Variants in TKFC observed in about 807,000 individuals in gnomAD.
TKFC encodes the protein triokinase and FMN cyclase, also known as triokinase/FMN cyclase.
Under a neutral mutation model 61.0 loss-of-function variants are expected in TKFC, and 46 were observed. The ratio of observed to expected loss-of-function variants is 0.75; its 90% CI spans 0.60 to 0.96. TKFC has a LOEUF of 0.96. Ranked by LOEUF, TKFC falls within the 50% of genes least tolerant of loss-of-function variation. TKFC has a pLI of 0.00. For missense variants in TKFC, 715 were observed against 777.5 expected, an observed-to-expected ratio of 0.92 and a Z score of 0.96; for synonymous variants, 314 against 330.1, an observed-to-expected ratio of 0.95 and a Z score of 0.53.
intron 2 of TKFC, among the ~76,000 whole-genome samples, chr11:61,337,575 G>A (rs1856663414): frequency 6.6e-6 from 1 of 152,208 alleles, no homozygotes; most frequent in Non-Finnish European, 1.5e-5. Flanking sequence ...CCCCAGCATA[G>A]GAGCCTCAGC....
chr11:61,353,274 C>T (rs1857503147), downstream of TKFC: 1 of 1,138,822 alleles, frequency 8.8e-7, no homozygotes, highest in Non-Finnish European at 1.2e-6. Context: ...TGGCATTGCC[C>T]ACTACCGTGC....
At position 61,344,240 on chromosome 11, in the gene TKFC, G is replaced by T; in HGVS notation, c.1207G>T (p.Asp403Tyr). Reference protein sequence around the residue: ...NALDRAAGDGDCGTTHSRAAR... With the variant: ...NALDRAAGDGYCGTTHSRAAR... Reference sequence around the variant, plus strand: ...CCTGGACCGGGCTGCTGGTGACGGCGACTGTGGCACCACCCACAGCCGTGC... The same window carrying T: ...CCTGGACCGGGCTGCTGGTGACGGCTACTGTGGCACCACCCACAGCCGTGC... Residue 403 changes from aspartate (D) to tyrosine (Y), a missense_variant, in exon 13 of 18, where the codon GAC becomes TAC. By Grantham distance (160) the Asp-to-Tyr change is radical. Transcript: ENST00000394900. 1 of 1,612,844 alleles carries T rather than the reference G, an allele frequency of 6.2e-7. No individual in the cohort carries two copies. The highest frequency in any genetic ancestry group is 1.1e-5 in the South Asian group (1 of 91,030).
chr11:61,349,334 G>A, downstream of TKFC: 1 of 542,064 alleles, frequency 1.8e-6, no homozygotes, highest in Non-Finnish European at 3.4e-6. Context: ...TGGCTCCCAG[G>A]GCTGCTGCAC....
At chr11:61,345,164 C>A in intron 13 of TKFC, 96 bp from the exon 14 acceptor site, 1 of 1,032,118 alleles carries the variant, frequency 9.7e-7, no homozygotes, top group Non-Finnish European at 1.4e-6. Context: ...ATTCCACTTC[C>A]CTGTCGGCCT....
At chr11:61,338,213 A>C (rs953416184) in intron 3 of TKFC, 83 bp downstream of exon 3, 2 of 1,337,720 alleles carry the variant, frequency 1.5e-6, no homozygotes, top group Non-Finnish European at 2.0e-6. Context: ...CATGAAGTGC[A>C]GGATGGAGCT....
In TKFC at chr11:61,344,205, A is replaced by G. The variant is rs1320587461; in HGVS notation, c.1172A>G (p.His391Arg). 6.2e-7 allele frequency: 1 copy of G among 1,612,582 alleles called. No homozygotes were observed. The highest frequency in any genetic ancestry group is 8.5e-7 in the Non-Finnish European group (1 of 1,180,014). The change falls in exon 13 of 18, where the codon CAC becomes CGC. Residue 391 changes from histidine (H) to arginine (R), a missense_variant. Coordinates refer to ENST00000394900, the MANE Select transcript of TKFC (RefSeq NM_015533.4). ...VCSTLLGLEEHLNALDRAAGD... is the reference protein window; with the variant it reads ...VCSTLLGLEERLNALDRAAGD... Reference sequence around the variant, plus strand: ...AGCACTCTCCTGGGCCTGGAGGAACACCTGAATGCCCTGGACCGGGCTGCT... The same window carrying G: ...AGCACTCTCCTGGGCCTGGAGGAACGCCTGAATGCCCTGGACCGGGCTGCT...
rs1283658504 is a variant in TKFC, at chr11:61,339,234, C to A, written c.305-20C>A. 6.2e-7 allele frequency: 1 copy of A among 1,611,724 alleles called. No individual in the cohort carries two copies. The highest frequency in any genetic ancestry group is 8.5e-7 in the Non-Finnish European group (1 of 1,178,656). On this transcript the variant is annotated intron_variant, in intron 4 of 17. Coordinates refer to ENST00000394900, the MANE Select transcript of TKFC (RefSeq NM_015533.4). ...GGAGGGCACAGTAAGCACACTGAGC[C>A]CTTCCGGCTGCTCCCGCAGTGGGGA...
downstream of TKFC, chr11:61,350,555 A>G (rs1157245474): frequency 8.8e-7 from 1 of 1,137,520 alleles, no homozygotes; most frequent in Non-Finnish European, 1.3e-6. Context: ...GGGAAGCCCC[A>G]AAGTCCCTGA....
In TKFC at chr11:61,346,167, C is replaced by T. The variant is rs1287013498; in HGVS notation, c.1576-184C>T. 1.4e-6 allele frequency: 2 copies of T among 1,416,544 alleles called. No homozygotes were observed. The highest frequency in any genetic ancestry group is 2.4e-5 in the Admixed American group (1 of 41,996). The allele number at this position is 1,416,544 out of a possible 1,614,324, so 87.7% of individuals were successfully genotyped here. ...GTGACAGGGCCTCAGTGAATGGTGA[C>T]CCTTTTCCCTGCTGGAAGTAGATGA... On this transcript the variant is annotated intron_variant, in intron 17 of 17. Transcript: ENST00000394900. The surrounding 1 kb of genome is among the most constrained non-coding windows in gnomAD (Gnocchi z 4.1).
intron 3 of TKFC, 94 bp from the exon 4 acceptor site, chr11:61,338,972 C>A: frequency 1.9e-6 from 2 of 1,068,180 alleles, no homozygotes; most frequent in Non-Finnish European, 2.8e-6. Context: ...CACAGTAGGG[C>A]TCACCAAACC....
chr11:61,345,516 C>T lies in TKFC; in HGVS notation c.1402C>T (p.Leu468Phe). 1.2e-6 allele frequency: 2 copies of T among 1,613,392 alleles called. No homozygotes were observed. The highest frequency in any genetic ancestry group is 8.5e-7 in the Non-Finnish European group (1 of 1,180,032). The change falls in exon 15 of 18, where the codon CTC (leucine) becomes TTC (phenylalanine). Residue 468 changes from leucine (L) to phenylalanine (F), a missense_variant. Coordinates refer to ENST00000394900, the MANE Select transcript of TKFC (RefSeq NM_015533.4). ...AAQPLKAKTSLPAWSAAMDAG... is the reference protein window; with the variant it reads ...AAQPLKAKTSFPAWSAAMDAG... ...ACAGCCCCTGAAGGCCAAGACCAGC[C>T]TCCCAGCCTGGTCTGCTGCCATGGA...
Position 61,348,144 on chromosome 11 carries a change from G to A in TKFC, c.*1641G>A. The A allele has an allele frequency of 1.0e-6, 1 of 985,468 alleles. No individual in the cohort carries two copies. The highest frequency in any genetic ancestry group is 1.2e-6 in the Non-Finnish European group (1 of 829,948). 61.0% of individuals were successfully genotyped at this position (985,468 alleles called of 1,614,324 possible). A position where few individuals can be genotyped will look rare whatever the true frequency, so the allele number is the denominator to read the frequency against. On this transcript the variant is annotated 3_prime_UTR_variant, in exon 18 of 18. Transcript: ENST00000394900. ...GCGCCCAGCAGCTGGGAAGGAGGCT[G>A]ACCTCAGACGGTGGCCTGTGGATCC...
rs773381912 is a variant in TKFC, at chr11:61,337,972, G to T, written c.35G>T (p.Gly12Val). ...AAGAAGCTGGTGAACTCGGTGGCTG[G>T]CTGTGCTGATGACGCTCTTGCTGGC... ...TSKKLVNSVA[G>V]CADDALAGLV... The change falls in exon 3 of 18, where the codon GGC (glycine) becomes GTC (valine). Residue 12 changes from glycine to valine, a missense_variant. Transcript: ENST00000394900. The T allele has an allele frequency of 1.2e-6, 2 of 1,608,954 alleles. No individual in the cohort carries two copies. The highest frequency in any genetic ancestry group is 4.5e-5 in the East Asian group (2 of 44,706).
chr11:61,348,628 A>G lies in TKFC; in HGVS notation c.*2125A>G. ...AGAGAGCTCTCACGCCCTTTCCACCATGTGAGGTTATGGTGAGAAGATGGT... is the reference window on the plus strand; with the variant it reads ...AGAGAGCTCTCACGCCCTTTCCACCGTGTGAGGTTATGGTGAGAAGATGGT... On this transcript the variant is annotated 3_prime_UTR_variant, in exon 18 of 18. Coordinates refer to ENST00000394900, the MANE Select transcript of TKFC (RefSeq NM_015533.4). 2 of 427,084 alleles carry G rather than the reference A, an allele frequency of 4.7e-6. No individual in the cohort carries two copies. Among genetic ancestry groups the G allele is most frequent in the Non-Finnish European group, 6.3e-6 (2 of 319,428 alleles). 26.5% of individuals were successfully genotyped at this position (427,084 alleles called of 1,614,324 possible).
chr11:61,338,993 GA>G (rs2135001544), intron 3 of TKFC, 72 bp from the exon 4 acceptor site: 1 of 1,322,736 alleles, frequency 7.6e-7, no homozygotes, highest in East Asian at 2.3e-5. Flanking sequence ...ATGACCCCCG[GA>G]GTGTGGGAAG....
chr11:61,344,035 T>C, intron 12 of TKFC, 60 bp downstream of exon 12: 2 of 1,600,504 alleles, frequency 1.2e-6, no homozygotes, highest in Non-Finnish European at 1.7e-6. Context: ...GAGTATACGG[T>C]GGGGCGGGTA....
At chr11:61,350,697 C>T, downstream of TKFC, 1 of 593,298 alleles carries the variant, frequency 1.7e-6, no homozygotes, top group Non-Finnish European at 2.9e-6. Context: ...TTGTCACAGT[C>T]AAGCCCTTCC....
chr11:61,342,764 T>C lies in TKFC; in HGVS notation c.785T>C (p.Val262Ala). ...SHVPVQPGSSVVMMVNNLGGL... is the reference protein window; with the variant it reads ...SHVPVQPGSSAVMMVNNLGGL... ...TCATGTCTACCCGCAGGCTCCTCAGTTGTGATGATGGTCAACAACCTGGGT... is the reference window on the plus strand; with the variant it reads ...TCATGTCTACCCGCAGGCTCCTCAGCTGTGATGATGGTCAACAACCTGGGT... Residue 262 changes from valine (V) to alanine (A), a missense_variant, in exon 10 of 18, where the codon GTT becomes GCT. Transcript: ENST00000394900. The C allele has an allele frequency of 6.2e-7, 1 of 1,613,932 alleles. No individual in the cohort carries two copies. Among genetic ancestry groups the C allele is most frequent in the Non-Finnish European group, 8.5e-7 (1 of 1,179,992 alleles).
chr11:61,334,699 G>T lies in TKFC; in HGVS notation c.-30G>T. 1 of 1,614,062 alleles carries T rather than the reference G, an allele frequency of 6.2e-7. No individual in the cohort carries two copies. ...CTCCAGCAGCTCAGTGCAACGGTGT[G>T]AACTCAGCCTGTTTCAGAGCCTCCA... On this transcript the variant is annotated 5_prime_UTR_variant, in exon 2 of 18. An upstream open reading frame in the 5' UTR loses its in-frame stop. Coordinates refer to ENST00000394900, the MANE Select transcript of TKFC (RefSeq NM_015533.4).
Sources: allele counts gnomAD v4.1 joint callset (sites outside exome capture counted in the v4.1 genomes callset), GRCh38; gene constraint gnomAD v4.1.1; non-coding constraint Gnocchi (gnomAD v3.1); transcripts MANE v1.5; gene names NCBI Gene and HGNC (gene_info 2026-07-23, HGNC 2026-07-21).